The following UNC80 variants were observed in gnomAD, a reference collection of about 807,000 sequenced individuals.
UNC80 encodes the protein unc-80 subunit of NALCN channel complex.
UNC80 carries 164 observed loss-of-function variants against 384.6 expected under a neutral mutation model. The observed-to-expected ratio is 0.43, with a 90% CI of 0.38 to 0.49. UNC80 has a LOEUF of 0.49. Among genes scored for constraint, UNC80 ranks in the 20% least tolerant of loss-of-function variants. The pLI is 0.00. For synonymous variants in UNC80, 1,486 were observed against 1,527.8 expected, an observed-to-expected ratio of 0.97 and a Z score of 0.64; for missense variants, 3,330 against 4,143.0, an observed-to-expected ratio of 0.80 and a Z score of 5.39.
At position 209,949,630 on chromosome 2, in the gene UNC80, A is replaced by C. The variant is rs183451022; in HGVS notation, c.7286+3687A>C. ...GTAGCTGGGATTACAGGCACCCGCC[A>C]CCACACCCAGCTAATTTTTGTATTT... On this transcript the variant is annotated intron_variant, in intron 47 of 64. Transcript: ENST00000673920. 2.5e-4 allele frequency among the ~76,000 whole-genome samples: 38 copies of C among 152,036 alleles called. 1 individual carries two copies. In the East Asian group the frequency reaches 7.4e-3, roughly 29 times the overall value.
intron 4 of UNC80, among the ~76,000 whole-genome samples, chr2:209,782,134 A>G (rs2077184114): frequency 6.6e-6 from 1 of 152,178 alleles, no homozygotes; most frequent in Non-Finnish European, 1.5e-5. Flanking sequence ...GTCTCATAAA[A>G]TCTAACCTCA....
At chr2:209,844,941 G>A (rs778948102) in intron 21 of UNC80, among the ~76,000 whole-genome samples, 3 of 151,772 alleles carry the variant, frequency 2.0e-5, no homozygotes, top group South Asian at 2.1e-4. Context: ...TGTCTGCTGC[G>A]AACTGAATGT....
chr2:209,878,956 G>A (rs553136953), intron 24 of UNC80, among the ~76,000 whole-genome samples: 1 of 152,104 alleles, frequency 6.6e-6, no homozygotes, highest in Non-Finnish European at 1.5e-5. Context: ...GTAAAAGAAT[G>A]GATGGGGCGT....
chr2:209,978,676 C>T lies in UNC80; in HGVS notation c.9086C>T (p.Thr3029Ile), dbSNP rs944942708. Residue 3029 changes from threonine to isoleucine, a missense_variant, in exon 59 of 65, where the codon ACC (threonine) becomes ATC (isoleucine). Transcript: ENST00000673920. ...CCATCCCAGCAGGCTTCGCAGGACA[C>T]CCTGAGTCGGACTGATGAGGAAGAT... Reference protein sequence around the residue: ...SEPSQQASQDTLSRTDEEDEE... With the variant: ...SEPSQQASQDILSRTDEEDEE... 1 of 1,548,092 alleles carries T rather than the reference C, an allele frequency of 6.5e-7. No homozygotes were observed. Among genetic ancestry groups the T allele is most frequent in the Non-Finnish European group, 8.7e-7 (1 of 1,144,268 alleles).
intron 6 of UNC80, among the ~76,000 whole-genome samples, chr2:209,792,394 C>A (rs977235164): frequency 4.6e-5 from 7 of 152,238 alleles, no homozygotes; most frequent in Non-Finnish European, 8.8e-5. Context: ...GTTGCCCAGG[C>A]TGGAGTGCAG....
chr2:209,954,334 T>A (rs1156813064), intron 48 of UNC80, 64 bp downstream of exon 48: 19 of 1,287,628 alleles, frequency 1.5e-5, no homozygotes, highest in Admixed American at 6.7e-5. Context: ...AAAAAAAAAA[T>A]AAGAAAAAAA....
Position 209,919,827 on chromosome 2 carries a change from C to G in UNC80, c.5343+1164C>G, listed in dbSNP as rs530684192. On this transcript the variant is annotated intron_variant, in intron 33 of 64. Transcript: ENST00000673920. ...CAACATAAAGTTATCTTTGATTTTT[C>G]TCCTGAAGAGGTGGTGGGTTCATCT... Among the ~76,000 whole-genome samples the G allele has an allele frequency of 5.4e-4, 83 of 152,296 alleles. 1 individual carries two copies. Among genetic ancestry groups the G allele is most frequent in the African/African-American group, 1.9e-3 (81 of 41,564 alleles).
chr2:209,956,729 CT>C (rs2092433055), intron 48 of UNC80, among the ~76,000 whole-genome samples: 1 of 152,148 alleles, frequency 6.6e-6, no homozygotes, highest in South Asian at 2.1e-4. Context: ...AGACTCTCTG[CT>C]TTTGAAGGGC....
rs529010848 is a variant in UNC80 at position 209,933,371 on chromosome 2, C to G, written c.5995-451C>G. On this transcript the variant is annotated intron_variant, in intron 38 of 64. Coordinates refer to ENST00000673920, the MANE Select transcript of UNC80 (RefSeq NM_001371986.1). ...CTATGTAACAAACCTACACGTGTAC[C>G]CCTGAATTTAGAAACAAAAAAAAAG... Among the ~76,000 whole-genome samples the G allele has an allele frequency of 7.2e-5, 11 of 152,008 alleles. No individual in the cohort carries two copies. The South Asian group carries it at 8.3e-4, about 11-fold the overall frequency.
In UNC80 at chr2:209,943,440, C is replaced by T. The variant is rs2124981606; in HGVS notation, c.6976C>T (p.Gln2326Ter). 6.4e-7 allele frequency: 1 copy of T among 1,552,130 alleles called. No individual in the cohort carries two copies. The highest frequency in any genetic ancestry group is 8.7e-7 in the Non-Finnish European group (1 of 1,147,066). The change falls in exon 45 of 65, where the codon CAG (glutamine) becomes TAG (stop). Residue 2326 changes from glutamine to a stop codon, truncating the protein, a stop_gained. Coordinates refer to ENST00000673920, the MANE Select transcript of UNC80 (RefSeq NM_001371986.1). LOFTEE classifies it high-confidence loss of function. ...LRQAIEFACH[Q>*]FYILHRKPFV... ...TCAAGCCATCGAATTTGCCTGTCAC[C>T]AGTTCTATATTCTACACCGGAAGCC...
intron 12 of UNC80, among the ~76,000 whole-genome samples, chr2:209,819,963 A>G (rs2080023787): frequency 6.6e-6 from 1 of 152,202 alleles, no homozygotes; most frequent in East Asian, 1.9e-4. Flanking sequence ...TTTTTATTTT[A>G]AAAAATCAAT....
At chr2:209,941,846 G>A (rs1194981762) in intron 44 of UNC80, among the ~76,000 whole-genome samples, 2 of 152,162 alleles carry the variant, frequency 1.3e-5, no homozygotes, top group Non-Finnish European at 2.9e-5. Context: ...GGCCAAGGTG[G>A]GAGAATCTCT....
rs112070197 is a variant in UNC80 at position 209,932,130 on chromosome 2, C to T, written c.5994+1076C>T. Among the ~76,000 whole-genome samples the T allele has an allele frequency of 2.9e-3, 439 of 152,242 alleles. 1 individual carries two copies. The highest frequency in any genetic ancestry group is 0.01 in the African/African-American group (421 of 41,562). ...AGCCCATGGCTGCTGTCACTCAAAG[C>T]CTGTCTGCTCCTGGCACTGTTTGCC... is the stretch of plus-strand genomic sequence containing the variant. On this transcript the variant is annotated intron_variant, in intron 38 of 64. Transcript: ENST00000673920.
chr2:209,959,636 G>T lies in UNC80; in HGVS notation c.7734G>T (p.Lys2578Asn). 1 of 1,551,730 alleles carries T rather than the reference G, an allele frequency of 6.4e-7. No homozygotes were observed. Among genetic ancestry groups the T allele is most frequent in the Non-Finnish European group, 8.7e-7 (1 of 1,146,994 alleles). The change falls in exon 51 of 65, where the codon AAG (lysine) becomes AAT (asparagine). Residue 2578 changes from lysine to asparagine, a missense_variant. By Grantham distance (94) the Lys-to-Asn change is moderately conservative. Around this residue, in one of 8 missense-constraint regions of UNC80, gnomAD observed 1,049 missense variants for 1,488.6 expected, o/e 0.70. Coordinates refer to ENST00000673920, the MANE Select transcript of UNC80 (RefSeq NM_001371986.1). ...ATAAGCACTGTGGGCCACGGCTGAA[G>T]ATCTTGCAAAATCTGGCTGGGGAGC... is the stretch of plus-strand genomic sequence containing the variant. Reference protein sequence around the residue: ...EFYKHCGPRLKILQNLAGEPR... With the variant: ...EFYKHCGPRLNILQNLAGEPR...
chr2:209,839,108 C>A lies in UNC80; in HGVS notation c.3042-114C>A. On this transcript the variant is annotated intron_variant, in intron 18 of 64. Transcript: ENST00000673920. This position sits in a 1 kb window ranked among gnomAD's most constrained non-coding sequence, Gnocchi z 4.1. ...CCACTCTTCCCACATTTCAGCCCAT[C>A]AAAGATCATTTTGCATGATTTGCCT... 1 of 953,370 alleles carries A rather than the reference C, an allele frequency of 1.0e-6. No homozygotes were observed. Among genetic ancestry groups the A allele is most frequent in the East Asian group, 2.6e-5 (1 of 38,070 alleles). The allele number at this position is 953,370 out of a possible 1,614,324, so 59.1% of individuals were successfully genotyped here.
chr2:209,988,375 T>A (rs922676391), intron 61 of UNC80, among the ~76,000 whole-genome samples: 1 of 152,240 alleles, frequency 6.6e-6, no homozygotes, highest in Non-Finnish European at 1.5e-5. Context: ...TCTACTTAAA[T>A]TTTTAATTTA....
intron 22 of UNC80, among the ~76,000 whole-genome samples, chr2:209,854,540 T>C (rs1481069066): frequency 6.6e-6 from 1 of 152,148 alleles, no homozygotes; most frequent in Non-Finnish European, 1.5e-5. Flanking sequence ...GAGAAAATTT[T>C]TGCAATCTAT....
At chr2:209,900,121 C>T (rs1311000104) in intron 28 of UNC80, among the ~76,000 whole-genome samples, 4 of 152,200 alleles carry the variant, frequency 2.6e-5, no homozygotes, top group Admixed American at 2.6e-4. Context: ...CTGACTGCCT[C>T]ACTGTCTTAT....
chr2:209,777,174 A>T (rs1012432270), intron 3 of UNC80, 84 bp from the exon 4 acceptor site: 5 of 1,406,652 alleles, frequency 3.6e-6, no homozygotes, highest in African/African-American at 2.9e-5. Context: ...GAAAGGAGGG[A>T]TATTCTTCCC....
Sources: allele counts gnomAD v4.1 joint callset (sites outside exome capture counted in the v4.1 genomes callset), GRCh38; gene constraint gnomAD v4.1.1; regional missense constraint gnomAD v4.1.1; non-coding constraint Gnocchi (gnomAD v3.1); transcripts MANE v1.5; gene names NCBI Gene and HGNC (gene_info 2026-07-23, HGNC 2026-07-21).